Variants in SHANK1 observed in about 807,000 individuals in gnomAD.
The protein encoded by SHANK1 is SH3 and multiple ankyrin repeat domains 1.
Under a neutral mutation model 165.6 loss-of-function variants are expected in SHANK1, and 35 were observed. The observed-to-expected ratio is 0.21, with a 90% confidence interval of 0.16 to 0.28. The LOEUF (loss-of-function observed/expected upper bound fraction) is 0.28, where lower values mean the gene tolerates loss of function less well. Among genes scored for constraint, SHANK1 ranks in the 10% least tolerant of loss-of-function variants. SHANK1 has a pLI of 1.00. For synonymous variants in SHANK1, 1,428 were observed against 1,384.8 expected (o/e 1.03, Z -0.69); for missense variants, 2,681 against 3,036.4 (o/e 0.88, Z 2.75).
intron 21 of SHANK1, among the ~76,000 whole-genome samples, chr19:50,676,170 G>A (rs922903395): frequency 6.6e-6 from 1 of 151,608 alleles, no homozygotes; most frequent in Non-Finnish European, 1.5e-5. Context: ...GTGCATGGTG[G>A]CATGTGCCTG....
In SHANK1 at chr19:50,686,380, G is replaced by A. The variant is rs1020766723; in HGVS notation, c.2459-25C>T. ...TCTAGGGGTAGATGAATGAACAGAG[G>A]TGGGAAGACAATGAAATGAAGTTTG... On this transcript the variant is annotated intron_variant, in intron 20 of 23. Coordinates refer to ENST00000293441, the MANE Select transcript of SHANK1 (RefSeq NM_016148.5). This position sits in a 1 kb window ranked among gnomAD's most constrained non-coding sequence, Gnocchi z 5.7. 1 of 1,472,642 alleles carries A rather than the reference G, an allele frequency of 6.8e-7. No homozygotes were observed. The highest frequency in any genetic ancestry group is 2.3e-5 in the East Asian group (1 of 43,006). The allele number at this position is 1,472,642 out of a possible 1,614,324, so 91.2% of individuals were successfully genotyped here.
At chr19:50,694,153 C>A (rs1986643053) in intron 15 of SHANK1, among the ~76,000 whole-genome samples, 1 of 151,732 alleles carries the variant, frequency 6.6e-6, no homozygotes, top group Admixed American at 6.6e-5. Context: ...GGGGGGTGGG[C>A]TGGGAGCCCA....
chr19:50,672,166 G>GA (rs748304348), intron 21 of SHANK1, 52 bp from the exon 22 acceptor site: 37 of 1,433,058 alleles, frequency 2.6e-5, no homozygotes, highest in Non-Finnish European at 3.4e-5. Flanking sequence ...AGAGAGATCA[G>GA]TCAGCGCAGA....
Position 50,669,138 on chromosome 19 carries a change from G to C in SHANK1, c.2822C>G (p.Ser941Cys). Residue 941 changes from serine (S) to cysteine (C), a missense_variant, in exon 23 of 24, where the codon TCC becomes TGC. Physicochemically the swap from Ser to Cys is moderately radical, Grantham distance 112. This residue lies in a region of SHANK1 where 1,713 missense variants were observed against 1,630.2 expected (regional missense o/e 1.05). Transcript: ENST00000293441. ...PPYSTPPVPS[S>C]SGRLTPSPRG... is the part of the protein sequence containing the mutation. ...AGGGGAGGGGGTGAGGCGCCCTGAGGAGGAGGGGACTGGAGGTGTGCTGTA... is the reference window on the plus strand; with the variant it reads ...AGGGGAGGGGGTGAGGCGCCCTGAGCAGGAGGGGACTGGAGGTGTGCTGTA... 1 of 1,559,446 alleles carries C rather than the reference G, an allele frequency of 6.4e-7. No individual in the cohort carries two copies. Among genetic ancestry groups the C allele is most frequent in the Non-Finnish European group, 8.7e-7 (1 of 1,153,056 alleles).
intron 19 of SHANK1, chr19:50,687,108 G>T: frequency 8.7e-7 from 1 of 1,144,320 alleles, no homozygotes; most frequent in Non-Finnish European, 1.2e-6. Flanking sequence ...GGGGCCCCCT[G>T]TCTGGAAGCC....
At position 50,703,651 on chromosome 19, in the gene SHANK1, A is replaced by G. The variant is rs762480895; in HGVS notation, c.1402T>C (p.Ser468Pro). Residue 468 changes from serine (S) to proline (P), a missense_variant, in exon 11 of 24, where the codon TCC becomes CCC. By Grantham distance (74) the Ser-to-Pro change is moderately conservative. Coordinates refer to ENST00000293441, the MANE Select transcript of SHANK1 (RefSeq NM_016148.5). The stretch of plus-strand genomic sequence containing the variant: ...GCCGAGGGCTGCGACTGGCCCTGGG[A>G]CCCTGAGGTAGGGCCAGGGGCCCCA... Reference protein sequence around the residue: ...SSGAPGPTSGSQGQSQPSAPT... With the variant: ...SSGAPGPTSGPQGQSQPSAPT... The G allele has an allele frequency of 9.2e-6, 14 of 1,520,372 alleles. No homozygotes were observed. In the Admixed American group the frequency reaches 1.5e-4, roughly 16 times the overall value. The allele number at this position is 1,520,372 out of a possible 1,614,324, so 94.2% of individuals were successfully genotyped here. A position where few individuals can be genotyped will look rare whatever the true frequency, so the allele number is the denominator to read the frequency against.
At chr19:50,694,211 G>A (rs950809921) in intron 15 of SHANK1, among the ~76,000 whole-genome samples, 3 of 151,736 alleles carry the variant, frequency 2.0e-5, no homozygotes, top group African/African-American at 7.3e-5. Context: ...ACACACGCAC[G>A]CGGCTGCAGG....
intron 9 of SHANK1, 69 bp from the exon 10 acceptor site, chr19:50,704,255 G>T (rs1047973129): frequency 1.3e-6 from 2 of 1,515,902 alleles, no homozygotes; most frequent in Non-Finnish European, 1.8e-6. Context: ...AGGGAACGTG[G>T]CGAGGTCCCT....
chr19:50,668,234 C>A lies in SHANK1; in HGVS notation c.3726G>T (p.Arg1242Ser). Reference protein sequence around the residue: ...FGAALVGAARREGGWQNEARR... With the variant: ...FGAALVGAARSEGGWQNEARR... ...GCGCCTCATTCTGCCAGCCCCCCTC[C>A]CTCCGGGCCGCCCCCACCAGGGCGG... Residue 1242 changes from arginine to serine, a missense_variant, in exon 23 of 24, where the codon AGG becomes AGT. Arg to Ser is a moderately radical substitution (Grantham distance 110). Coordinates refer to ENST00000293441, the MANE Select transcript of SHANK1 (RefSeq NM_016148.5). 6.8e-7 allele frequency: 1 copy of A among 1,476,838 alleles called. No individual in the cohort carries two copies. Among genetic ancestry groups the A allele is most frequent in the Non-Finnish European group, 8.9e-7 (1 of 1,128,038 alleles). 91.5% of individuals were successfully genotyped at this position (1,476,838 alleles called of 1,614,324 possible).
Position 50,662,644 on chromosome 19 carries a change from G to A in SHANK1, c.5807C>T (p.Pro1936Leu). ...CCAGTTCTGAAACAGGCTGCTGACA[G>A]GCTTGGAGAGGAGTGAGGACTGGGA... Reference protein sequence around the residue: ...DDSQSSLLSKPVSSLFQNWPK... With the variant: ...DDSQSSLLSKLVSSLFQNWPK... The change falls in exon 24 of 24, where the codon CCT (proline) becomes CTT (leucine). Residue 1936 changes from proline to leucine, a missense_variant. Pro to Leu is a moderately conservative substitution (Grantham distance 98). Around this residue, in one of 10 missense-constraint regions of SHANK1, gnomAD observed 1,713 missense variants for 1,630.2 expected, o/e 1.05. Coordinates refer to ENST00000293441, the MANE Select transcript of SHANK1 (RefSeq NM_016148.5). This position sits in a 1 kb window ranked among gnomAD's most constrained non-coding sequence, Gnocchi z 7.7. The A allele has an allele frequency of 6.4e-7, 1 of 1,565,280 alleles. No homozygotes were observed. Among genetic ancestry groups the A allele is most frequent in the Non-Finnish European group, 8.7e-7 (1 of 1,154,814 alleles).
rs1285967228 is a variant in SHANK1, at chr19:50,661,115, A to G, written c.*850T>C. Among the ~76,000 whole-genome samples the G allele has an allele frequency of 6.6e-6, 1 of 152,048 alleles. No homozygotes were observed. Among genetic ancestry groups the G allele is most frequent in the Non-Finnish European group, 1.5e-5 (1 of 68,004 alleles). ...GCAAGGGCTGAGCAAAGAGCAGGGC[A>G]CTCCAGAGAATGAATGATGTGCATG... is the stretch of plus-strand genomic sequence containing the variant. On this transcript the variant is annotated 3_prime_UTR_variant, in exon 24 of 24. Coordinates refer to ENST00000293441, the MANE Select transcript of SHANK1 (RefSeq NM_016148.5).
chr19:50,671,396 G>T (rs973299837), intron 22 of SHANK1, among the ~76,000 whole-genome samples: 1 of 150,050 alleles, frequency 6.7e-6, no homozygotes, highest in Non-Finnish European at 1.5e-5. Flanking sequence ...TGTTAACCAG[G>T]ATGGTCTCGA....
At chr19:50,678,706 AAGAG>A (rs1235622010) in intron 21 of SHANK1, among the ~76,000 whole-genome samples, 1 of 111,038 alleles carries the variant, frequency 9.0e-6, no homozygotes, top group East Asian at 2.7e-4. Context: ...GAAGAGGTAA[AAGAG>A]AGACAGTGGA....
At position 50,662,231 on chromosome 19, in the gene SHANK1, G is replaced by A. The variant is rs549670535; in HGVS notation, c.6220C>T (p.Arg2074Cys). ...GLGGALSGAS[R>C]SLSPTRLLSL... ...AGCAGGCGGGTCGGTGAGAGGGAGC[G>A]CGAGGCCCCTGACAAGGCTCCCCCG... is the stretch of plus-strand genomic sequence containing the variant. The change falls in exon 24 of 24, where the codon CGC (arginine) becomes TGC (cysteine). Residue 2074 changes from arginine to cysteine, a missense_variant. Arg to Cys is a radical substitution (Grantham distance 180, BLOSUM62 -3). Around this residue, in one of 10 missense-constraint regions of SHANK1, gnomAD observed 1,713 missense variants for 1,630.2 expected, o/e 1.05. Transcript: ENST00000293441. The surrounding 1 kb of genome is among the most constrained non-coding windows in gnomAD (Gnocchi z 7.7). 148 of 1,610,068 alleles carry A rather than the reference G, an allele frequency of 9.2e-5. 1 individual carries two copies. The highest frequency in any genetic ancestry group is 1.5e-4 in the African/African-American group (11 of 75,010).
chr19:50,711,567 T>C (rs2089011235), intron 7 of SHANK1, 80 bp from the exon 8 acceptor site: 12 of 988,368 alleles, frequency 1.2e-5, no homozygotes, highest in Non-Finnish European at 1.7e-5. Flanking sequence ...CTATGACCTG[T>C]GCACTGGCCT....
chr19:50,711,695 G>A (rs758977891), intron 7 of SHANK1, among the ~76,000 whole-genome samples: 7 of 152,204 alleles, frequency 4.6e-5, no homozygotes, highest in African/African-American at 1.4e-4. Flanking sequence ...AGGCCCAGGC[G>A]TCTGGTCTGC....
Position 50,716,977 on chromosome 19 carries a change from G to A in SHANK1, c.-43-15C>T. On this transcript the variant is annotated splice_polypyrimidine_tract_variant and intron_variant, in intron 1 of 23. Coordinates refer to ENST00000293441, the MANE Select transcript of SHANK1 (RefSeq NM_016148.5). The surrounding 1 kb of genome is among the most constrained non-coding windows in gnomAD (Gnocchi z 8.4). ...ATCACAGGCGGCTGCAGGGGCCAAGGGCGGCCATCAGACTAGGAGCCCGGG... is the reference window on the plus strand; with the variant it reads ...ATCACAGGCGGCTGCAGGGGCCAAGAGCGGCCATCAGACTAGGAGCCCGGG... The A allele has an allele frequency of 9.3e-6, 13 of 1,403,564 alleles. No homozygotes were observed. The highest frequency in any genetic ancestry group is 1.2e-5 in the Non-Finnish European group (13 of 1,083,168). 86.9% of individuals were successfully genotyped at this position (1,403,564 alleles called of 1,614,324 possible).
chr19:50,699,676 G>A (rs1052616076), intron 12 of SHANK1, among the ~76,000 whole-genome samples: 3 of 152,158 alleles, frequency 2.0e-5, no homozygotes, highest in African/African-American at 7.2e-5. Flanking sequence ...CAGGGCATTG[G>A]GGGATTGGAA....
intron 21 of SHANK1, among the ~76,000 whole-genome samples, chr19:50,685,034 C>T (rs1239865942): frequency 6.6e-6 from 1 of 152,184 alleles, no homozygotes; most frequent in East Asian, 1.9e-4. Flanking sequence ...GCCAAAGGAC[C>T]CAGTTTTAGA....
Sources: gnomAD v4.1 joint callset for allele counts (sites outside exome capture counted in the v4.1 genomes callset) on GRCh38, gnomAD v4.1.1 for gene constraint, gnomAD v4.1.1 regional missense constraint, Gnocchi (gnomAD v3.1) non-coding constraint, MANE v1.5 for transcripts, NCBI Gene and HGNC (gene_info 2026-07-23, HGNC 2026-07-21) for gene names.